Variants in DHRS2 observed in about 807,000 individuals in gnomAD.
DHRS2 encodes dehydrogenase/reductase 2, also known as dehydrogenase/reductase SDR family member 2, mitochondrial.
In DHRS2, 29 loss-of-function variants were observed where a neutral mutation model predicts 26.3. The ratio of observed to expected loss-of-function variants is 1.10; its 90% confidence interval spans 0.82 to 1.50. The LOEUF is 1.50. Ranked by LOEUF, DHRS2 falls within the 40% of genes most tolerant of loss-of-function variation. The pLI is 0.00. For synonymous variants in DHRS2, 164 were observed against 151.3 expected (o/e 1.08, Z -0.62); for missense variants, 439 against 367.1 (o/e 1.20, Z -1.60).
chr14:23,630,556 C>T (rs1890092554), intron 1 of DHRS2, among the ~76,000 whole-genome samples: 1 of 152,218 alleles, frequency 6.6e-6, no homozygotes. Flanking sequence ...CTGCTGATAT[C>T]TCCTTAGTGC....
rs1890482550 is a variant in DHRS2 at position 23,638,880 on chromosome 14, G to A, written c.16G>A (p.Ala6Thr). Residue 6 changes from alanine to threonine, a missense_variant, in exon 2 of 9, where the codon GCC becomes ACC. Transcript: ENST00000250383. ...ACCAACCACTATGCTGTCAGCAGTTGCCCGGGGCTACCAGGGCTGGTTTCA... is the reference window on the plus strand; with the variant it reads ...ACCAACCACTATGCTGTCAGCAGTTACCCGGGGCTACCAGGGCTGGTTTCA... Reference protein sequence around the residue: MLSAVARGYQGWFHPC... With the variant: MLSAVTRGYQGWFHPC... 6.2e-7 allele frequency: 1 copy of A among 1,613,882 alleles called. No individual in the cohort carries two copies. Among genetic ancestry groups the A allele is most frequent in the Non-Finnish European group, 8.5e-7 (1 of 1,179,944 alleles).
chr14:23,642,992 G>A lies in DHRS2; in HGVS notation c.421-160G>A. 4 of 688,182 alleles carry A rather than the reference G, an allele frequency of 5.8e-6. No homozygotes were observed. In the South Asian group the frequency reaches 7.1e-5, roughly 12 times the overall value. The allele number at this position is 688,182 out of a possible 1,614,324, so 42.6% of individuals were successfully genotyped here. ...CTGCCTATGAAACCATTAGCAAATT[G>A]GAAATACCTCTTGCACCAGTCAGAA... On this transcript the variant is annotated intron_variant, in intron 4 of 8. Transcript: ENST00000250383.
chr14:23,637,603 G>C (rs1046924307), intron 1 of DHRS2, among the ~76,000 whole-genome samples: 3 of 152,080 alleles, frequency 2.0e-5, no homozygotes, highest in African/African-American at 7.2e-5. Flanking sequence ...ACTAACAGGA[G>C]AATGCTTAGG....
chr14:23,639,664 T>C (rs376500819), intron 3 of DHRS2, 130 bp from the exon 4 acceptor site: 2 of 1,071,890 alleles, frequency 1.9e-6, no homozygotes, highest in Non-Finnish European at 2.6e-6. Flanking sequence ...GAGCCTGCCC[T>C]TGGGACACCT....
At chr14:23,632,609 A>G (rs1890150907), upstream of DHRS2, among the ~76,000 whole-genome samples, 1 of 152,202 alleles carries the variant, frequency 6.6e-6, no homozygotes, top group South Asian at 2.1e-4. Flanking sequence ...AGCAGCACCC[A>G]TTCACTTATA....
At chr14:23,641,923 C>T in intron 4 of DHRS2, 3 of 1,172,246 alleles carry the variant, frequency 2.6e-6, no homozygotes, top group Non-Finnish European at 2.1e-6. Flanking sequence ...GGACAGATCC[C>T]TGCAGGAGGG....
At position 23,639,264 on chromosome 14, in the gene DHRS2, G is replaced by C. The variant is rs750953197; in HGVS notation, c.226G>C (p.Ala76Pro). Reference protein sequence around the residue: ...SSRKQQNVDRAMAKLQGEGLS... With the variant: ...SSRKQQNVDRPMAKLQGEGLS... The stretch of plus-strand genomic sequence containing the variant: ...CCGGAAGCAGCAGAACGTGGACCGG[G>C]CCATGGCCAAGCTGCAGGGGGAGGG... The change falls in exon 3 of 9, where the codon GCC becomes CCC. Residue 76 changes from alanine (A) to proline (P), a missense_variant. Transcript: ENST00000250383. 5 of 1,612,762 alleles carry C rather than the reference G, an allele frequency of 3.1e-6. No homozygotes were observed. The South Asian group carries it at 4.4e-5, about 14-fold the overall frequency.
At chr14:23,637,612 G>A (rs992781857) in intron 1 of DHRS2, among the ~76,000 whole-genome samples, 1 of 152,098 alleles carries the variant, frequency 6.6e-6, no homozygotes, top group Non-Finnish European at 1.5e-5. Context: ...AGAATGCTTA[G>A]GACTCTAACA....
In DHRS2 at chr14:23,638,506, G is replaced by A. The variant is rs111465324; in HGVS notation, c.-38-321G>A. The A allele has an allele frequency of 8.3e-3, 1,659 of 198,808 alleles. 25 individuals carry two copies. Among genetic ancestry groups the A allele is most frequent in the African/African-American group, 0.037 (1,569 of 42,352 alleles). 12.3% of individuals were successfully genotyped at this position (198,808 alleles called of 1,614,324 possible). On this transcript the variant is annotated intron_variant, in intron 1 of 8. Coordinates refer to ENST00000250383, the MANE Select transcript of DHRS2 (RefSeq NM_005794.4). Reference sequence around the variant, plus strand: ...GGCTGAGTCTGTCGTTTACTAAGGTGTCCCCGCCTCTACTGCCCAGTGCTT... The same window carrying A: ...GGCTGAGTCTGTCGTTTACTAAGGTATCCCCGCCTCTACTGCCCAGTGCTT...
rs529500462 is a variant in DHRS2 at position 23,631,294 on chromosome 14, T to G, written c.-39+1059T>G. Among the ~76,000 whole-genome samples the G allele has an allele frequency of 3.3e-5, 5 of 152,262 alleles. No individual in the cohort carries two copies. The South Asian group carries it at 1.0e-3, about 32-fold the overall frequency. On this transcript the variant is annotated intron_variant, in intron 1 of 6. Transcript: ENST00000432832. ...AAGATCTCCATTTTACTGTTAATGC[T>G]GGTCAGTCATGCCTGAACTCAAAAG...
intron 4 of DHRS2, chr14:23,641,986 G>A (rs943887120): frequency 1.2e-5 from 13 of 1,126,724 alleles, no homozygotes; most frequent in East Asian, 7.2e-5. Flanking sequence ...CCCAGGCTCC[G>A]CCTCTGCATC....
chr14:23,638,729 C>T, intron 1 of DHRS2, 98 bp from the exon 2 acceptor site: 1 of 1,299,624 alleles, frequency 7.7e-7, no homozygotes, highest in Admixed American at 2.3e-5. Flanking sequence ...CTGCCACTTT[C>T]TGTTGCTGGC....
chr14:23,644,501 C>T lies in DHRS2; in HGVS notation c.633C>T (p.Asn211=), dbSNP rs1369387422. 3.7e-6 allele frequency: 6 copies of T among 1,614,102 alleles called. No homozygotes were observed. The highest frequency in any genetic ancestry group is 1.3e-5 in the African/African-American group (1 of 74,940). Residue 211 remains asparagine, a synonymous_variant, in exon 7 of 9, where the codon AAC becomes AAT. Transcript: ENST00000250383. The part of the protein sequence containing the change: ...LELAPKDIRV[N]CVVPGIIKTD... Reference sequence around the variant, plus strand: ...TGGCCCCCAAGGACATCCGGGTAAACTGCGTGGTTCCAGGAATTATCAAAA... The same window carrying T: ...TGGCCCCCAAGGACATCCGGGTAAATTGCGTGGTTCCAGGAATTATCAAAA...
intron 1 of DHRS2, chr14:23,638,467 T>C (rs1047381004): frequency 1.7e-5 from 3 of 177,966 alleles, no homozygotes; most frequent in African/African-American, 7.2e-5. Context: ...GGAAGCTGCA[T>C]GGTTGGGGTC....
At chr14:23,643,089 T>C in intron 4 of DHRS2, 63 bp from the exon 5 acceptor site, 1 of 1,553,612 alleles carries the variant, frequency 6.4e-7, no homozygotes, top group East Asian at 2.3e-5. Context: ...AAGTGTCTTA[T>C]GAGAGCAGGA....
chr14:23,631,718 C>T (rs1316757166), upstream of DHRS2, among the ~76,000 whole-genome samples: 1 of 152,092 alleles, frequency 6.6e-6, no homozygotes, highest in Non-Finnish European at 1.5e-5. Flanking sequence ...GTGGGCAGTG[C>T]CAGGCTCAGG....
intron 4 of DHRS2, chr14:23,642,043 C>T (rs558805087): frequency 6.4e-6 from 7 of 1,094,594 alleles, no homozygotes; most frequent in African/African-American, 3.3e-5. Context: ...CCCAGACCCA[C>T]CAGACAGAGC....
At chr14:23,634,597 C>G (rs1890216396), upstream of DHRS2, among the ~76,000 whole-genome samples, 1 of 152,010 alleles carries the variant, frequency 6.6e-6, no homozygotes, top group African/African-American at 2.4e-5. Flanking sequence ...TTTTAAGATT[C>G]CTTTATGTTG....
upstream of DHRS2, among the ~76,000 whole-genome samples, chr14:23,632,768 G>A (rs8013891): frequency 3.9e-3 from 591 of 152,316 alleles, 5 homozygotes; most frequent in African/African-American, 0.013. Flanking sequence ...TGGAACTGAT[G>A]AGGGTCTGTA....
Sources: allele counts gnomAD v4.1 joint callset (sites outside exome capture counted in the v4.1 genomes callset), GRCh38; gene constraint gnomAD v4.1.1; transcripts MANE v1.5; gene names NCBI Gene and HGNC (gene_info 2026-07-23, HGNC 2026-07-21).